Variants in SLC9A7 observed in about 807,000 individuals in gnomAD.
SLC9A7 encodes the protein sodium/hydrogen exchanger 7.
A neutral mutation model predicts 52.6 loss-of-function variants in SLC9A7; 19 were observed. The ratio of observed to expected loss-of-function variants is 0.36; its 90% confidence interval spans 0.25 to 0.53. The LOEUF (loss-of-function observed/expected upper bound fraction) is 0.53. SLC9A7 is among the 20% of genes least tolerant of loss of function. The pLI is 0.91. For missense variants in SLC9A7, 455 were observed against 597.9 expected (o/e 0.76, Z 2.49); for synonymous variants, 226 against 252.1 (o/e 0.90, Z 0.98).
chrX:46,640,617 G>GA (rs1208609689), intron 12 of SLC9A7, among the ~76,000 whole-genome samples: 1 of 111,799 alleles, frequency 8.9e-6, no homozygotes, highest in African/African-American at 3.3e-5. Context: ...TACACACTGG[G>GA]AAAAAATATT....
At chrX:46,731,335 T>G (rs2146978590) in intron 1 of SLC9A7, among the ~76,000 whole-genome samples, 1 of 107,988 alleles carries the variant, frequency 9.3e-6, no homozygotes, top group Non-Finnish European at 1.9e-5. Context: ...CTTATGCCTG[T>G]AATCCCAGCA....
intron 13 of SLC9A7, among the ~76,000 whole-genome samples, chrX:46,633,110 A>C (rs1197123144): frequency 9.2e-6 from 1 of 108,166 alleles, no homozygotes; most frequent in African/African-American, 3.4e-5. Context: ...TATATCTGCC[A>C]TGGAAGTTCC....
intron 1 of SLC9A7, among the ~76,000 whole-genome samples, chrX:46,731,035 A>G (rs1300476763): frequency 9.1e-6 from 1 of 109,587 alleles, no homozygotes; most frequent in Non-Finnish European, 1.9e-5. Context: ...GGGGGAAAAA[A>G]AGCAATGAGA....
intron 3 of SLC9A7, among the ~76,000 whole-genome samples, chrX:46,676,487 A>G (rs1274108798): frequency 8.9e-6 from 1 of 112,072 alleles, no homozygotes; most frequent in Admixed American, 9.5e-5. Flanking sequence ...AAAGCCTGTG[A>G]GGTGTTTTTC....
intron 15 of SLC9A7, among the ~76,000 whole-genome samples, chrX:46,617,275 C>T (rs866864140): frequency 2.6e-4 from 29 of 111,872 alleles, no homozygotes; most frequent in African/African-American, 9.4e-4. Context: ...TGATTTACTC[C>T]TTTTTCTAAT....
intron 1 of SLC9A7, among the ~76,000 whole-genome samples, chrX:46,746,169 CA>C (rs201146280): frequency 1.9e-5 from 2 of 106,106 alleles, no homozygotes; most frequent in East Asian, 2.9e-4. Context: ...ACTGAAAATA[CA>C]AAAAAAAAAT....
At position 46,662,022 on chromosome X, in the gene SLC9A7, A is replaced by G; in HGVS notation, c.1035T>C (p.Thr345=). 4.2e-6 allele frequency: 5 copies of G among 1,193,852 alleles called. No individual in the cohort carries two copies. Among genetic ancestry groups the G allele is most frequent in the Non-Finnish European group, 5.6e-6 (5 of 885,891 alleles). The stretch of plus-strand genomic sequence containing the variant: ...GAAACTACAAAAAGGATATTAGAGC[A>G]GTCACAACACCAGTCACAGCTCCCA... ...FTMGAVTGVV[T]ALVTKFTKLH... The change falls in exon 7 of 17, where the codon ACT becomes ACC. Residue 345 remains threonine (T), a synonymous_variant. Coordinates refer to ENST00000616978, the MANE Select transcript of SLC9A7 (RefSeq NM_001257291.2).
intron 1 of SLC9A7, among the ~76,000 whole-genome samples, chrX:46,746,683 C>T (rs1268230633): frequency 2.7e-5 from 3 of 112,239 alleles, no homozygotes; most frequent in African/African-American, 9.7e-5. Context: ...CCCTCATACA[C>T]AGTTGGTGGG....
intron 1 of SLC9A7, among the ~76,000 whole-genome samples, chrX:46,720,577 GA>G (rs367822348): frequency 0.022 from 2,311 of 104,526 alleles, 53 homozygotes; most frequent in African/African-American, 0.074. Flanking sequence ...TCATCCATGG[GA>G]AAAAAAAAAA....
Position 46,720,162 on chromosome X carries a change from A to G in SLC9A7, c.326-37627T>C, listed in dbSNP as rs1031891705. 2.7e-5 allele frequency among the ~76,000 whole-genome samples: 3 copies of G among 111,699 alleles called. No homozygotes were observed. In the Admixed American group the frequency reaches 2.9e-4, roughly 11 times the overall value. On this transcript the variant is annotated intron_variant, in intron 1 of 16. Transcript: ENST00000616978. ...ACTTGTTATGAAAAAGAAATCAAAG[A>G]TCTTGACCTGCATATTCTTGTCTGC...
At chrX:46,745,844 T>TAA (rs757931369) in intron 1 of SLC9A7, among the ~76,000 whole-genome samples, 1,920 of 87,020 alleles carry the variant, frequency 0.022, 66 homozygotes, top group African/African-American at 0.075. Context: ...CTGTCTCTAT[T>TAA]AAAAAAAAAA....
At chrX:46,751,882 C>T (rs1279058534) in intron 1 of SLC9A7, among the ~76,000 whole-genome samples, 1 of 112,008 alleles carries the variant, frequency 8.9e-6, no homozygotes, top group Admixed American at 9.5e-5. Flanking sequence ...AAACTAATGT[C>T]AAACAGTGTT....
intron 2 of SLC9A7, among the ~76,000 whole-genome samples, chrX:46,680,859 T>C (rs1350319602): frequency 8.9e-6 from 1 of 112,322 alleles, no homozygotes; most frequent in African/African-American, 3.2e-5. Flanking sequence ...TTCTTTCAAA[T>C]GATGCTTTAT....
chrX:46,644,798 A>G (rs1943462906), intron 11 of SLC9A7, among the ~76,000 whole-genome samples: 2 of 112,296 alleles, frequency 1.8e-5, no homozygotes, highest in Admixed American at 9.4e-5. Flanking sequence ...AATTATTAAT[A>G]TATGTAATCT....
At chrX:46,677,979 CTTTTTT>C (rs934069277) in intron 3 of SLC9A7, among the ~76,000 whole-genome samples, 1 of 111,761 alleles carries the variant, frequency 8.9e-6, no homozygotes, top group Non-Finnish European at 1.9e-5. Flanking sequence ...ATTTATTTTT[CTTTTTT>C]TGAGTTGTTT....
Position 46,648,614 on chromosome X carries a change from C to G in SLC9A7, c.1462+72G>C, listed in dbSNP as rs940865747. Reference sequence around the variant, plus strand: ...ATGCTTGTCTTTTTATGAACCTTATCAATTACATTTTAATCATATTCTTGT... The same window carrying G: ...ATGCTTGTCTTTTTATGAACCTTATGAATTACATTTTAATCATATTCTTGT... On this transcript the variant is annotated intron_variant, in intron 11 of 16. Coordinates refer to ENST00000616978, the MANE Select transcript of SLC9A7 (RefSeq NM_001257291.2). The G allele has an allele frequency of 1.6e-4, 130 of 791,690 alleles. No homozygotes were observed. In the Middle Eastern group the frequency reaches 2.3e-3, roughly 14 times the overall value. The allele number at this position is 791,690 out of a possible 1,213,427, so 65.2% of individuals were successfully genotyped here.
intron 1 of SLC9A7, among the ~76,000 whole-genome samples, chrX:46,714,546 T>C (rs945140254): frequency 3.6e-5 from 4 of 111,624 alleles, no homozygotes; most frequent in African/African-American, 1.3e-4. Flanking sequence ...GGTTTCACTA[T>C]TGCCTCCATA....
chrX:46,714,976 T>C (rs1944747869), intron 1 of SLC9A7, among the ~76,000 whole-genome samples: 1 of 111,988 alleles, frequency 8.9e-6, no homozygotes, highest in Non-Finnish European at 1.9e-5. Flanking sequence ...AACTAGAAGA[T>C]AAATTTGTTG....
chrX:46,612,521 A>G (rs1942868864), intron 16 of SLC9A7, among the ~76,000 whole-genome samples: 1 of 111,926 alleles, frequency 8.9e-6, no homozygotes, highest in African/African-American at 3.2e-5. Context: ...ACATAAATAA[A>G]CTATTTAGAA....
Sources: allele counts gnomAD v4.1 joint callset (sites outside exome capture counted in the v4.1 genomes callset), GRCh38; gene constraint gnomAD v4.1.1; transcripts MANE v1.5; gene names NCBI Gene and HGNC (gene_info 2026-07-23, HGNC 2026-07-21).